ALMS1: variants seen among roughly 807,000 people sequenced by gnomAD.
ALMS1 encodes centrosome-associated protein ALMS1.
In ALMS1, 271 loss-of-function variants were observed where a neutral mutation model predicts 352.2. The ratio of observed to expected loss-of-function variants is 0.77; its 90% confidence interval spans 0.70 to 0.85. The LOEUF is 0.85. Among genes scored for constraint, ALMS1 ranks in the 40% least tolerant of loss-of-function variants. The pLI is 0.00. For missense variants in ALMS1, 5,445 were observed against 4,870.7 expected (o/e 1.12, Z -3.51); for synonymous variants, 1,865 against 1,761.2 (o/e 1.06, Z -1.48).
chr2:73,476,637 T>C (rs1672589631), intron 9 of ALMS1, among the ~76,000 whole-genome samples: 2 of 152,044 alleles, frequency 1.3e-5, no homozygotes, highest in Admixed American at 6.6e-5. Context: ...TGATGTCTCA[T>C]TGTGGTGGTG....
At chr2:73,399,168 C>T (rs1326642514) in intron 1 of ALMS1, among the ~76,000 whole-genome samples, 2 of 152,146 alleles carry the variant, frequency 1.3e-5, no homozygotes, top group East Asian at 3.9e-4. Context: ...TCTGTATAGA[C>T]AGACAGTCAT....
chr2:73,413,252 C>G (rs954024490), intron 2 of ALMS1, among the ~76,000 whole-genome samples: 2 of 151,892 alleles, frequency 1.3e-5, no homozygotes, highest in Non-Finnish European at 2.9e-5. Context: ...TTTGCAGAGA[C>G]AGTCTGTGGC....
Position 73,490,856 on chromosome 2 carries a change from T to A in ALMS1, c.8897T>A (p.Leu2966His). The A allele has an allele frequency of 1.2e-6, 2 of 1,613,920 alleles. No individual in the cohort carries two copies. Among genetic ancestry groups the A allele is most frequent in the Non-Finnish European group, 1.7e-6 (2 of 1,179,996 alleles). ...IASDLPSPISLEQCQSKAPGV... is the reference protein window; with the variant it reads ...IASDLPSPISHEQCQSKAPGV... Reference sequence around the variant, plus strand: ...TCAGACCTTCCGTCTCCCATTTCTCTTGAACAATGCCAAAGCAAAGCGCCA... The same window carrying A: ...TCAGACCTTCCGTCTCCCATTTCTCATGAACAATGCCAAAGCAAAGCGCCA... The change falls in exon 10 of 23, where the codon CTT (leucine) becomes CAT (histidine). Residue 2966 changes from leucine to histidine, a missense_variant. Physicochemically the swap from Leu to His is moderately conservative, Grantham distance 99. Transcript: ENST00000613296.
chr2:73,429,915 T>G (rs919004231), intron 6 of ALMS1, among the ~76,000 whole-genome samples: 32 of 152,290 alleles, frequency 2.1e-4, no homozygotes, highest in African/African-American at 7.7e-4. Flanking sequence ...TGGTCATCTT[T>G]CATTCTTTCT....
At chr2:73,414,315 T>A (rs1002276827) in intron 2 of ALMS1, among the ~76,000 whole-genome samples, 6 of 152,080 alleles carry the variant, frequency 3.9e-5, no homozygotes, top group Non-Finnish European at 7.4e-5. Context: ...TATAATTGAC[T>A]TTTTATATTG....
chr2:73,389,988 C>T (rs993542776), intron 1 of ALMS1, among the ~76,000 whole-genome samples: 10 of 152,134 alleles, frequency 6.6e-5, no homozygotes, highest in Non-Finnish European at 1.3e-4. Flanking sequence ...CGCCCGGCCT[C>T]TAATCGTGAA....
intron 9 of ALMS1, among the ~76,000 whole-genome samples, chr2:73,465,013 A>G (rs1480677338): frequency 6.6e-6 from 1 of 152,216 alleles, no homozygotes; most frequent in South Asian, 2.1e-4. Context: ...GAAAATGGCC[A>G]TACTGCCCAA....
intron 7 of ALMS1, among the ~76,000 whole-genome samples, chr2:73,433,242 C>T (rs773952715): frequency 2.0e-5 from 3 of 152,166 alleles, no homozygotes; most frequent in African/African-American, 7.2e-5. Flanking sequence ...TTCCTGCTAA[C>T]ACTCAGGAAT....
At chr2:73,530,410 T>G (rs1365762394) in intron 11 of ALMS1, among the ~76,000 whole-genome samples, 1 of 152,214 alleles carries the variant, frequency 6.6e-6, no homozygotes, top group Non-Finnish European at 1.5e-5. Flanking sequence ...TGACTCCATG[T>G]CATACATCCA....
At chr2:73,489,510 A>C in intron 9 of ALMS1, 124 bp from the exon 10 acceptor site, 1 of 1,124,670 alleles carries the variant, frequency 8.9e-7, no homozygotes, top group Non-Finnish European at 1.3e-6. Flanking sequence ...TTATATTATA[A>C]AAGAATGACA....
rs140995360 is a variant in ALMS1, at chr2:73,426,874, T to C, written c.1338+321T>C. 5.3e-5 allele frequency among the ~76,000 whole-genome samples: 8 copies of C among 152,366 alleles called. No individual in the cohort carries two copies. In the East Asian group the frequency reaches 1.5e-3, roughly 29 times the overall value. On this transcript the variant is annotated intron_variant, in intron 6 of 22. Transcript: ENST00000613296. ...ATGTTTTATTTGAAAAATTTCCAAATTTTATTTGAAAATACTTTATTTGAA... is the reference window on the plus strand; with the variant it reads ...ATGTTTTATTTGAAAAATTTCCAAACTTTATTTGAAAATACTTTATTTGAA...
chr2:73,465,265 G>T (rs1382945796), intron 9 of ALMS1, among the ~76,000 whole-genome samples: 1 of 151,990 alleles, frequency 6.6e-6, no homozygotes, highest in African/African-American at 2.4e-5. Context: ...AACCAAAACA[G>T]CATGGTACTG....
rs1675626765 is a variant in ALMS1 at position 73,599,530 on chromosome 2, T to C, written c.11668+9T>C. ...CAAGGGCATACAAGCAGGTAATTACTTGAATCTAAACTTTTTCATTGAAAT... is the reference window on the plus strand; with the variant it reads ...CAAGGGCATACAAGCAGGTAATTACCTGAATCTAAACTTTTTCATTGAAAT... On this transcript the variant is annotated intron_variant, in intron 17 of 22. Coordinates refer to ENST00000613296, the MANE Select transcript of ALMS1 (RefSeq NM_001378454.1). 3.1e-6 allele frequency: 5 copies of C among 1,613,142 alleles called. No homozygotes were observed. Among genetic ancestry groups the C allele is most frequent in the Non-Finnish European group, 2.5e-6 (3 of 1,179,474 alleles).
chr2:73,499,338 A>G (rs1673173348), intron 10 of ALMS1, among the ~76,000 whole-genome samples: 1 of 152,118 alleles, frequency 6.6e-6, no homozygotes, highest in Non-Finnish European at 1.5e-5. Context: ...TTTGCTGTAA[A>G]GAAGCTTTTT....
intron 12 of ALMS1, among the ~76,000 whole-genome samples, chr2:73,543,938 A>G (rs947239214): frequency 1.3e-5 from 2 of 152,220 alleles, no homozygotes; most frequent in Non-Finnish European, 2.9e-5. Context: ...TAGTTCAACC[A>G]TTGTTGAAGT....
At chr2:73,432,998 G>A (rs969359399) in intron 7 of ALMS1, among the ~76,000 whole-genome samples, 1 of 152,156 alleles carries the variant, frequency 6.6e-6, no homozygotes, top group Non-Finnish European at 1.5e-5. Flanking sequence ...AGAGAAATCA[G>A]TTTTGAGGTA....
chr2:73,463,364 C>A (rs141764984), intron 9 of ALMS1, among the ~76,000 whole-genome samples: 76,935 of 151,538 alleles, frequency 0.51, 22,434 homozygotes, highest in East Asian at 0.77. Flanking sequence ...GGGTACATAA[C>A]GAAATGAAGG....
rs781596608 is a variant in ALMS1, at chr2:73,576,074, CT to C, written c.11547+2657del. Among the ~76,000 whole-genome samples, 9 of 152,204 alleles carry C rather than the reference CT, an allele frequency of 5.9e-5. No homozygotes were observed. In the East Asian group the frequency reaches 1.5e-3, roughly 26 times the overall value. On this transcript the variant is annotated intron_variant, in intron 16 of 22. Transcript: ENST00000613296. ...TTCTCAACATCGTTTGTTGAAAAGACTTTTTTTCCCCATTGAATGTTCTTGG... is the reference window on the plus strand; with the variant it reads ...TTCTCAACATCGTTTGTTGAAAAGACTTTTTTCCCCATTGAATGTTCTTGG...
intron 10 of ALMS1, among the ~76,000 whole-genome samples, chr2:73,492,968 TA>T (rs34376546): frequency 0.31 from 44,649 of 141,808 alleles, 8,309 homozygotes; most frequent in African/African-American, 0.54. Context: ...TATTGATACT[TA>T]AAAAAAAAAA....
Sources: gnomAD v4.1 joint callset for allele counts (sites outside exome capture counted in the v4.1 genomes callset) on GRCh38, gnomAD v4.1.1 for gene constraint, MANE v1.5 for transcripts, NCBI Gene and HGNC (gene_info 2026-07-23, HGNC 2026-07-21) for gene names.